STK32B: variants seen among roughly 807,000 people sequenced by gnomAD.
STK32B encodes the protein serine/threonine kinase 32B.
A neutral mutation model predicts 52.6 loss-of-function variants in STK32B; 43 were observed. The observed-to-expected ratio is 0.82, with a 90% CI of 0.64 to 1.05. The LOEUF (loss-of-function observed/expected upper bound fraction) is 1.05. STK32B is among the 50% of genes least tolerant of loss of function. The probability of loss-of-function intolerance (pLI) is 0.00; values close to 1 mark genes in which losing one functional copy is unlikely to be tolerated. For missense variants in STK32B, 621 were observed against 534.6 expected, an observed-to-expected ratio of 1.16 and a Z score of -1.59; for synonymous variants, 238 against 204.3, an observed-to-expected ratio of 1.17 and a Z score of -1.41.
intron 1 of STK32B, among the ~76,000 whole-genome samples, chr4:5,066,544 C>T (rs995858595): frequency 6.6e-6 from 1 of 152,192 alleles, no homozygotes; most frequent in Non-Finnish European, 1.5e-5. Context: ...CTTCAGAACC[C>T]TGTATGGTCT....
At chr4:5,133,632 G>A (rs568454285) in intron 1 of STK32B, among the ~76,000 whole-genome samples, 10 of 152,230 alleles carry the variant, frequency 6.6e-5, no homozygotes, top group South Asian at 2.1e-4. Context: ...AGAAATAATC[G>A]CCATCATTAT....
chr4:5,472,021 G>T (rs753637132), intron 11 of STK32B, among the ~76,000 whole-genome samples: 5 of 152,184 alleles, frequency 3.3e-5, no homozygotes, highest in Non-Finnish European at 7.3e-5. Context: ...AAGCTCTTGG[G>T]GAGAGAGACG....
chr4:5,324,681 A>G (rs148082373), intron 3 of STK32B, among the ~76,000 whole-genome samples: 56 of 152,322 alleles, frequency 3.7e-4, no homozygotes, highest in African/African-American at 1.3e-3. Context: ...CACATTGTCC[A>G]ATGTTCCCAG....
rs1052082093 is a variant in STK32B, at chr4:5,100,893, C to A, written c.53-39012C>A. Among the ~76,000 whole-genome samples, 18 of 149,052 alleles carry A rather than the reference C, an allele frequency of 1.2e-4. No homozygotes were observed. In the East Asian group the frequency reaches 3.1e-3, roughly 26 times the overall value. On this transcript the variant is annotated intron_variant, in intron 1 of 11. Coordinates refer to ENST00000282908, the MANE Select transcript of STK32B (RefSeq NM_018401.3). Reference sequence around the variant, plus strand: ...TCCTTCCTTCCTTCCTTCTTCCTTTCTTTTCCTTTTTCCTTTCCTTTCATT... The same window carrying A: ...TCCTTCCTTCCTTCCTTCTTCCTTTATTTTCCTTTTTCCTTTCCTTTCATT...
intron 1 of STK32B, chr4:5,127,106 T>C (rs1715413362): frequency 1.9e-6 from 1 of 513,254 alleles, no homozygotes; most frequent in Non-Finnish European, 3.9e-6. Flanking sequence ...TGAAGGGAAC[T>C]TAACCAGACG....
At chr4:5,310,653 A>G (rs1301532374) in intron 3 of STK32B, among the ~76,000 whole-genome samples, 1 of 152,188 alleles carries the variant, frequency 6.6e-6, no homozygotes, top group Admixed American at 6.5e-5. Context: ...TAGAAAAAAA[A>G]TGAACTATCA....
intron 3 of STK32B, among the ~76,000 whole-genome samples, chr4:5,223,284 C>A (rs186350396): frequency 2.6e-5 from 4 of 152,306 alleles, no homozygotes; most frequent in East Asian, 1.9e-4. Context: ...AGGCAAAGAT[C>A]TGCTGCAGGG....
chr4:5,272,682 C>T (rs1348766922), intron 3 of STK32B, among the ~76,000 whole-genome samples: 72 of 151,906 alleles, frequency 4.7e-4, no homozygotes, highest in Admixed American at 1.2e-3. Context: ...TCAGAAATAA[C>T]GCCGCCTACC....
chr4:5,322,585 GA>G (rs1265933830), intron 3 of STK32B, among the ~76,000 whole-genome samples: 2 of 152,334 alleles, frequency 1.3e-5, no homozygotes, highest in African/African-American at 4.8e-5. Flanking sequence ...TTTGCCTCAG[GA>G]AGAAGAAGTG....
intron 7 of STK32B, among the ~76,000 whole-genome samples, chr4:5,455,968 CAT>C (rs1052313859): frequency 6.6e-6 from 1 of 152,104 alleles, no homozygotes; most frequent in Admixed American, 6.5e-5. Context: ...CATCCCAAGA[CAT>C]GTGGCCATGA....
rs1242669255 is a variant in STK32B at position 5,246,179 on chromosome 4, G to T, written c.260+77729G>T. 2.6e-5 allele frequency among the ~76,000 whole-genome samples: 4 copies of T among 152,188 alleles called. No homozygotes were observed. The South Asian group carries it at 8.3e-4, about 32-fold the overall frequency. On this transcript the variant is annotated intron_variant, in intron 3 of 11. Coordinates refer to ENST00000282908, the MANE Select transcript of STK32B (RefSeq NM_018401.3). ...ATCCTGCAGAGTGTTTTCCAAGTTG[G>T]TTCCTTTCTCCCCGTCACTTTCAGG...
chr4:5,286,470 C>T (rs759952472), intron 3 of STK32B, among the ~76,000 whole-genome samples: 1 of 152,160 alleles, frequency 6.6e-6, no homozygotes, highest in Non-Finnish European at 1.5e-5. Context: ...AATTACTATC[C>T]TCTTCCTCCA....
At chr4:5,023,081 T>C in the STK32B span, among the ~76,000 whole-genome samples, 1 of 151,974 alleles carries the variant, frequency 6.6e-6, no homozygotes, top group Non-Finnish European at 1.5e-5. Flanking sequence ...TTGTAAGATA[T>C]TGTGCTGCTG....
rs1430211881 is a variant in STK32B, at chr4:5,386,799, C to T, written c.435-11408C>T. ...TGGTGGCTGGACCCTCCATTGGGTC[C>T]AACTCTCGGATTCCAATAGAAGTCA... On this transcript the variant is annotated intron_variant, in intron 4 of 11. Transcript: ENST00000282908. This position sits in a 1 kb window ranked among gnomAD's most constrained non-coding sequence, Gnocchi z 4.5. Among the ~76,000 whole-genome samples, 1 of 152,158 alleles carries T rather than the reference C, an allele frequency of 6.6e-6. No homozygotes were observed. The highest frequency in any genetic ancestry group is 2.4e-5 in the African/African-American group (1 of 41,444).
intron 2 of STK32B, among the ~76,000 whole-genome samples, chr4:5,164,316 A>G (rs1383216767): frequency 6.6e-6 from 1 of 151,630 alleles, no homozygotes; most frequent in African/African-American, 2.4e-5. Flanking sequence ...CATCACTCCA[A>G]CCTCTGCATC....
chr4:5,371,370 G>A (rs1311129747), intron 4 of STK32B, among the ~76,000 whole-genome samples: 4 of 152,148 alleles, frequency 2.6e-5, no homozygotes, highest in Non-Finnish European at 5.9e-5. Context: ...AATATCAAAG[G>A]TGAGGGTTTC....
intron 7 of STK32B, among the ~76,000 whole-genome samples, chr4:5,454,242 T>C (rs749170419): frequency 6.6e-6 from 1 of 152,138 alleles, no homozygotes; most frequent in Non-Finnish European, 1.5e-5. Context: ...TGCTGTTCAT[T>C]ACCTGTGATG....
At chr4:5,256,557 G>T (rs894119887) in intron 3 of STK32B, among the ~76,000 whole-genome samples, 1 of 152,180 alleles carries the variant, frequency 6.6e-6, no homozygotes, top group African/African-American at 2.4e-5. Context: ...AGCATTACTT[G>T]CTCTCTGAAC....
chr4:5,434,428 ATGT>A (rs1274387542), intron 6 of STK32B, among the ~76,000 whole-genome samples: 1 of 132,682 alleles, frequency 7.5e-6, no homozygotes, highest in Admixed American at 8.0e-5. Flanking sequence ...ATATGTGTGC[ATGT>A]ATGTGTGTGT....
Sources: gnomAD v4.1 joint callset for allele counts (sites outside exome capture counted in the v4.1 genomes callset) on GRCh38, gnomAD v4.1.1 for gene constraint, Gnocchi (gnomAD v3.1) non-coding constraint, MANE v1.5 for transcripts, NCBI Gene and HGNC (gene_info 2026-07-23, HGNC 2026-07-21) for gene names.